Variants in ACOX1 observed in about 807,000 individuals in gnomAD.
The protein encoded by ACOX1 is acyl-CoA oxidase 1.
ACOX1 carries 41 observed loss-of-function variants against 75.5 expected under a neutral mutation model. That is an observed-to-expected ratio of 0.54 (90% CI 0.42 to 0.70). The LOEUF is 0.70. Among genes scored for constraint, ACOX1 ranks in the 30% least tolerant of loss-of-function variants. ACOX1 has a pLI of 0.00. For synonymous variants in ACOX1, 303 were observed against 298.8 expected (o/e 1.01, Z -0.15); for missense variants, 630 against 837.5 (o/e 0.75, Z 3.06).
chr17:75,957,990 T>G (rs570274744), intron 3 of ACOX1, among the ~76,000 whole-genome samples: 1 of 152,308 alleles, frequency 6.6e-6, no homozygotes, highest in East Asian at 1.9e-4. Flanking sequence ...TCAACATTCT[T>G]GAATTCTGTA....
chr17:75,965,928 G>A (rs184111793), intron 2 of ACOX1, among the ~76,000 whole-genome samples: 624 of 152,088 alleles, frequency 4.1e-3, no homozygotes, highest in African/African-American at 0.014. Flanking sequence ...TCAAGAGTTC[G>A]AGACCAGCCT....
In ACOX1 at chr17:75,978,779, T is replaced by C. The variant is rs1224753678; in HGVS notation, c.110-86A>G. The C allele has an allele frequency of 1.2e-6, 2 of 1,609,360 alleles. No individual in the cohort carries two copies. The highest frequency in any genetic ancestry group is 1.3e-5 in the African/African-American group (1 of 74,816). On this transcript the variant is annotated intron_variant, in intron 1 of 13. Coordinates refer to ENST00000293217, the MANE Select transcript of ACOX1 (RefSeq NM_004035.7). This position sits in a 1 kb window ranked among gnomAD's most constrained non-coding sequence, Gnocchi z 4.2. ...CCCTGAATCACAATAGGCTTCAGAG[T>C]CGCGGACACACCTGGGGAATGGCGA...
In ACOX1 at chr17:75,960,306, G is replaced by A. The variant is rs368106231; in HGVS notation, c.339C>T (p.His113=). The change falls in exon 3 of 14, where the codon CAC becomes CAT. Residue 113 remains histidine (H), a synonymous_variant. Coordinates refer to ENST00000293217, the MANE Select transcript of ACOX1 (RefSeq NM_004035.7). The surrounding 1 kb of genome is among the most constrained non-coding windows in gnomAD (Gnocchi z 4.4). ...GCTCCTGCTGCTCCGCAGTTGCCTGGTGAAGCAAGGTGGGCAGGAACATGC... is the reference window on the plus strand; with the variant it reads ...GCTCCTGCTGCTCCGCAGTTGCCTGATGAAGCAAGGTGGGCAGGAACATGC... ...HLGMFLPTLL[H]QATAEQQERF... is the part of the protein sequence containing the mutation. The A allele has an allele frequency of 4.6e-5, 75 of 1,614,104 alleles. 1 individual carries two copies. The African/African-American group carries it at 9.1e-4, about 20-fold the overall frequency.
At chr17:75,976,315 T>C (rs1185964095) in intron 2 of ACOX1, among the ~76,000 whole-genome samples, 1 of 152,206 alleles carries the variant, frequency 6.6e-6, no homozygotes, top group African/African-American at 2.4e-5. Flanking sequence ...TATTTCATTG[T>C]GACCTCACTC....
chr17:75,959,102 T>C (rs77595928), intron 3 of ACOX1, among the ~76,000 whole-genome samples: 9 of 152,330 alleles, frequency 5.9e-5, no homozygotes, highest in African/African-American at 2.2e-4. Context: ...TCTACAAAAA[T>C]ACTGTACTAA....
chr17:75,958,505 A>G (rs1355404748), intron 3 of ACOX1, among the ~76,000 whole-genome samples: 3 of 147,828 alleles, frequency 2.0e-5, no homozygotes, highest in Non-Finnish European at 3.1e-5. Context: ...CGTCTCTACT[A>G]AAAAAACAAC....
intron 6 of ACOX1, among the ~76,000 whole-genome samples, chr17:75,954,773 T>C (rs769073368): frequency 6.6e-6 from 1 of 151,422 alleles, no homozygotes; most frequent in Non-Finnish European, 1.5e-5. Context: ...GTTTTCACCA[T>C]ATTGGTCAGG....
chr17:75,956,395 A>G (rs1432875320), intron 4 of ACOX1, among the ~76,000 whole-genome samples: 2 of 152,162 alleles, frequency 1.3e-5, no homozygotes, highest in Non-Finnish European at 2.9e-5. Flanking sequence ...AAGAAGATAT[A>G]AAAGTTTCGG....
intron 7 of ACOX1, 23 bp downstream of exon 7, chr17:75,953,428 C>T (rs1237658012): frequency 2.5e-6 from 4 of 1,612,030 alleles, no homozygotes; most frequent in Non-Finnish European, 3.4e-6. Flanking sequence ...TGGTACTGAG[C>T]CCATCTAGGA....
chr17:75,965,429 G>C (rs1354336277), intron 2 of ACOX1, among the ~76,000 whole-genome samples: 1 of 150,320 alleles, frequency 6.7e-6, no homozygotes, highest in Non-Finnish European at 1.5e-5. Context: ...AGCTTCCCAA[G>C]AAAAGACAAG....
chr17:75,969,692 C>T (rs989056604), intron 2 of ACOX1, among the ~76,000 whole-genome samples: 3 of 152,096 alleles, frequency 2.0e-5, no homozygotes, highest in African/African-American at 7.2e-5. Context: ...AAGAAAGGTG[C>T]ATTATTTCAT....
At chr17:75,967,613 T>TAC (rs1236138474) in intron 2 of ACOX1, among the ~76,000 whole-genome samples, 4 of 138,228 alleles carry the variant, frequency 2.9e-5, no homozygotes, top group African/African-American at 1.2e-4. Flanking sequence ...TATATATATA[T>TAC]ACATACATAT....
chr17:75,970,556 G>A (rs1232472812), intron 2 of ACOX1, among the ~76,000 whole-genome samples: 1 of 152,184 alleles, frequency 6.6e-6, no homozygotes, highest in Admixed American at 6.5e-5. Context: ...GAGACTTTCT[G>A]TAGGTGACTG....
rs1172916775 is a variant in ACOX1 at position 75,949,879 on chromosome 17, A to G, written c.1317T>C (p.Tyr439=). ...CCAACTTTCCTGAGTGCACCTGATC[A>G]TAACTTTTCATCAGGAACCTAAAAG... The part of the protein sequence containing the change: ...LQTARFLMKS[Y]DQVHSGKLVC... Residue 439 remains tyrosine (Y), a synonymous_variant, in exon 10 of 14, where the codon TAT becomes TAC. Transcript: ENST00000293217. 2.5e-6 allele frequency: 4 copies of G among 1,614,218 alleles called. No homozygotes were observed. Among genetic ancestry groups the G allele is most frequent in the Admixed American group, 1.7e-5 (1 of 60,020 alleles).
chr17:75,962,802 G>A (rs1306449287), intron 2 of ACOX1, among the ~76,000 whole-genome samples: 5 of 152,192 alleles, frequency 3.3e-5, no homozygotes, highest in African/African-American at 9.7e-5. Context: ...CATGGGAGCT[G>A]AGCAAGGGGT....
rs2065942120 is a variant in ACOX1, at chr17:75,967,432, T to C, written c.270-7057A>G. Among the ~76,000 whole-genome samples the C allele has an allele frequency of 3.3e-5, 5 of 150,230 alleles. No homozygotes were observed. The South Asian group carries it at 1.0e-3, about 32-fold the overall frequency. ...TTACAGTGAGCCAAGATGATGCCAC[T>C]GCACTCCAGCCTGGTGACAGAGGAA... On this transcript the variant is annotated intron_variant, in intron 2 of 13. Transcript: ENST00000293217.
In ACOX1 at chr17:75,955,661, C is replaced by T. The variant is rs1002618350; in HGVS notation, c.679G>A (p.Gly227Ser). ...ATCTCATCATAACCAAATTTGGGGC[C>T]GATGTCACCAACGGTAATTCCTACC... Reference protein sequence around the residue: ...PLPGITVGDIGPKFGYDEIDN... With the variant: ...PLPGITVGDISPKFGYDEIDN... The change falls in exon 6 of 14, where the codon GGC (glycine) becomes AGC (serine). Residue 227 changes from glycine to serine, a missense_variant. Coordinates refer to ENST00000293217, the MANE Select transcript of ACOX1 (RefSeq NM_004035.7). 12 of 1,613,976 alleles carry T rather than the reference C, an allele frequency of 7.4e-6. No homozygotes were observed. The highest frequency in any genetic ancestry group is 1.7e-5 in the Admixed American group (1 of 59,980).
At chr17:75,966,879 T>C (rs1324088317) in intron 2 of ACOX1, among the ~76,000 whole-genome samples, 1 of 152,020 alleles carries the variant, frequency 6.6e-6, no homozygotes, top group African/African-American at 2.4e-5. Flanking sequence ...ATCAATGTAA[T>C]ATATTTAAGG....
chr17:75,968,004 G>C (rs2065955026), intron 2 of ACOX1, among the ~76,000 whole-genome samples: 1 of 151,062 alleles, frequency 6.6e-6, no homozygotes, highest in Admixed American at 6.6e-5. Flanking sequence ...CTCCCAAAGT[G>C]CTGGGATTAC....
Sources: gnomAD v4.1 joint callset for allele counts (sites outside exome capture counted in the v4.1 genomes callset) on GRCh38, gnomAD v4.1.1 for gene constraint, Gnocchi (gnomAD v3.1) non-coding constraint, MANE v1.5 for transcripts, NCBI Gene and HGNC (gene_info 2026-07-23, HGNC 2026-07-21) for gene names.